COL23A1: variants seen among roughly 807,000 people sequenced by gnomAD.
COL23A1 encodes collagen type XXIII alpha 1 chain.
In COL23A1, 97 loss-of-function variants were observed where a neutral mutation model predicts 99.3. The observed-to-expected ratio is 0.98, with a 90% CI of 0.83 to 1.16. The LOEUF (loss-of-function observed/expected upper bound fraction) is 1.16. Among genes scored for constraint, COL23A1 ranks in the 50% most tolerant of loss-of-function variants. The pLI is 0.00. For missense variants in COL23A1, 762 were observed against 757.4 expected, an observed-to-expected ratio of 1.01 and a Z score of -0.07; for synonymous variants, 320 against 308.2, an observed-to-expected ratio of 1.04 and a Z score of -0.40.
intron 1 of COL23A1, among the ~76,000 whole-genome samples, chr5:178,575,524 G>A (rs1415046624): frequency 6.6e-6 from 1 of 152,144 alleles, no homozygotes; most frequent in Non-Finnish European, 1.5e-5. Flanking sequence ...AGAAGATCAT[G>A]GATTATCATT....
intron 2 of COL23A1, among the ~76,000 whole-genome samples, chr5:178,467,426 C>T (rs938526184): frequency 4.6e-5 from 7 of 152,206 alleles, no homozygotes; most frequent in Admixed American, 3.9e-4. Context: ...GGTGACCCTA[C>T]CCCACTCCCT....
At chr5:178,268,112 A>G (rs1484216800) in intron 7 of COL23A1, among the ~76,000 whole-genome samples, 1 of 152,162 alleles carries the variant, frequency 6.6e-6, no homozygotes, top group Non-Finnish European at 1.5e-5. Flanking sequence ...CCATCTGCAG[A>G]TCTCACTTCC....
chr5:178,441,468 T>C (rs973156455), intron 2 of COL23A1, among the ~76,000 whole-genome samples: 1 of 152,064 alleles, frequency 6.6e-6, no homozygotes, highest in African/African-American at 2.4e-5. Flanking sequence ...TTGAGAATTT[T>C]AGAGGGCAAC....
At chr5:178,357,088 C>T (rs1349202264) in intron 2 of COL23A1, among the ~76,000 whole-genome samples, 1 of 152,242 alleles carries the variant, frequency 6.6e-6, no homozygotes, top group Non-Finnish European at 1.5e-5. Flanking sequence ...TAAAGATGTA[C>T]TTCCCTTTAC....
intron 2 of COL23A1, among the ~76,000 whole-genome samples, chr5:178,402,743 T>C (rs1764517281): frequency 6.6e-6 from 1 of 151,620 alleles, no homozygotes; most frequent in Non-Finnish European, 1.5e-5. Context: ...AAAAAACATA[T>C]ATATTTAAGG....
intron 2 of COL23A1, among the ~76,000 whole-genome samples, chr5:178,427,844 C>T (rs1464348834): frequency 2.0e-5 from 3 of 152,100 alleles, no homozygotes; most frequent in African/African-American, 7.2e-5. Flanking sequence ...ATTTGGGGGA[C>T]AGTGAAACTA....
At chr5:178,344,891 A>G in intron 2 of COL23A1, 1 of 779,812 alleles carries the variant, frequency 1.3e-6, no homozygotes, top group Non-Finnish European at 2.1e-6. Context: ...CTTCATGTGG[A>G]CAGTCTCAGG....
At chr5:178,351,066 G>A (rs919521426) in intron 2 of COL23A1, 3 of 152,282 alleles carry the variant, frequency 2.0e-5, no homozygotes, top group Non-Finnish European at 4.4e-5. Flanking sequence ...AGGCAGGAAA[G>A]TCACGCTTCG....
intron 2 of COL23A1, among the ~76,000 whole-genome samples, chr5:178,311,835 A>C (rs146489278): frequency 0.097 from 14,462 of 148,382 alleles, 965 homozygotes; most frequent in African/African-American, 0.18. Context: ...GGTTCAAGCG[A>C]CTCCTCTGCC....
In COL23A1 at chr5:178,341,464, C is replaced by T. The variant is rs895096361; in HGVS notation, c.362-34545G>A. Among the ~76,000 whole-genome samples the T allele has an allele frequency of 2.2e-4, 33 of 152,338 alleles. 1 individual carries two copies. The highest frequency in any genetic ancestry group is 7.9e-4 in the African/African-American group (33 of 41,590). ...CCAGAGCACAGGAGGAAGGGCCTGG[C>T]TAGCCTGGCTCTTCTGACCTGAGCA... On this transcript the variant is annotated intron_variant, in intron 2 of 28. Coordinates refer to ENST00000390654, the MANE Select transcript of COL23A1 (RefSeq NM_173465.4).
chr5:178,534,978 T>C (rs1760857546), intron 2 of COL23A1, among the ~76,000 whole-genome samples: 1 of 150,746 alleles, frequency 6.6e-6, no homozygotes, highest in African/African-American at 2.4e-5. Flanking sequence ...TTTTCTTTTT[T>C]TTTTTTTTTT....
chr5:178,326,864 C>T (rs1021044618), intron 2 of COL23A1, among the ~76,000 whole-genome samples: 6 of 152,186 alleles, frequency 3.9e-5, no homozygotes, highest in African/African-American at 9.7e-5. Flanking sequence ...GGACTACAGG[C>T]GCCTGCCACC....
chr5:178,553,453 T>C (rs1189438153), intron 2 of COL23A1, among the ~76,000 whole-genome samples: 1 of 152,226 alleles, frequency 6.6e-6, no homozygotes, highest in African/African-American at 2.4e-5. Flanking sequence ...AACTCTGGAT[T>C]ATTATTCATT....
intron 2 of COL23A1, among the ~76,000 whole-genome samples, chr5:178,502,915 C>G (rs1758652175): frequency 6.6e-6 from 1 of 152,220 alleles, no homozygotes; most frequent in Non-Finnish European, 1.5e-5. Flanking sequence ...AGTGTGACAG[C>G]ACAGCACCAG....
intron 1 of COL23A1, among the ~76,000 whole-genome samples, chr5:178,577,282 G>A (rs1763423579): frequency 6.6e-6 from 1 of 152,164 alleles, no homozygotes; most frequent in African/African-American, 2.4e-5. Context: ...CCAGCGTGCT[G>A]GCCGCGTCTC....
intron 2 of COL23A1, among the ~76,000 whole-genome samples, chr5:178,330,561 GA>G (rs1359211346): frequency 2.6e-5 from 4 of 152,008 alleles, no homozygotes; most frequent in African/African-American, 9.7e-5. Context: ...GGCTGAGGCA[GA>G]AGGATAGCTG....
chr5:178,267,468 T>G (rs1239823163), intron 7 of COL23A1, 135 bp from the exon 8 acceptor site: 14 of 859,348 alleles, frequency 1.6e-5, no homozygotes, highest in Admixed American at 2.8e-5. Context: ...CAGGCCCTAT[T>G]TTTATTTCCA....
rs1376069516 is a variant in COL23A1 at position 178,257,542 on chromosome 5, G to A, written c.755C>T (p.Pro252Leu). The change falls in exon 13 of 29, where the codon CCT becomes CTT. Residue 252 changes from proline (P) to leucine (L), a missense_variant. Pro to Leu is a moderately conservative substitution (Grantham distance 98). Transcript: ENST00000390654. ...ACTCACCTTGGGCCCTGGTGGTCCA[G>A]GCTGGCTTGGTGTCCCATCGTCGCC... ...KKGDDGTPSQ[P>L]GPPGPKGEPG... is the part of the protein sequence containing the mutation. 1.1e-5 allele frequency: 17 copies of A among 1,564,706 alleles called. No individual in the cohort carries two copies. Among genetic ancestry groups the A allele is most frequent in the Non-Finnish European group, 1.4e-5 (16 of 1,154,400 alleles).
intron 2 of COL23A1, among the ~76,000 whole-genome samples, chr5:178,464,233 G>A (rs1756291363): frequency 6.6e-6 from 1 of 152,052 alleles, no homozygotes; most frequent in Non-Finnish European, 1.5e-5. Context: ...CACTCCCACA[G>A]CCCACACCCA....
Sources: allele counts gnomAD v4.1 joint callset (sites outside exome capture counted in the v4.1 genomes callset), GRCh38; gene constraint gnomAD v4.1.1; transcripts MANE v1.5; gene names NCBI Gene and HGNC (gene_info 2026-07-23, HGNC 2026-07-21).